Variants in FRMD4B observed in about 807,000 individuals in gnomAD.
FRMD4B encodes the protein FERM domain-containing protein 4B.
A neutral mutation model predicts 141.5 loss-of-function variants in FRMD4B; 74 were observed. That is an observed-to-expected ratio of 0.52 (90% CI 0.43 to 0.63). The LOEUF is 0.63. Ranked by LOEUF, FRMD4B falls within the 30% of genes least tolerant of loss-of-function variation. The pLI is 0.00. For synonymous variants in FRMD4B, 506 were observed against 467.9 expected, an observed-to-expected ratio of 1.08 and a Z score of -1.05; for missense variants, 1,366 against 1,253.4, an observed-to-expected ratio of 1.09 and a Z score of -1.36.
chr3:69,250,671 C>G (rs1176700690), intron 5 of FRMD4B, among the ~76,000 whole-genome samples: 1 of 150,756 alleles, frequency 6.6e-6, no homozygotes, highest in African/African-American at 2.4e-5. Context: ...GCTTTGAAGA[C>G]TAAAATTCTG....
intron 1 of FRMD4B, among the ~76,000 whole-genome samples, chr3:69,500,792 C>A (rs965015144): frequency 6.6e-6 from 1 of 151,994 alleles, no homozygotes; most frequent in African/African-American, 2.4e-5. Context: ...CCCACGCTCT[C>A]TTTTCTGTCA....
intron 1 of FRMD4B, among the ~76,000 whole-genome samples, chr3:69,538,506 G>T (rs992802100): frequency 3.9e-5 from 6 of 152,020 alleles, no homozygotes; most frequent in African/African-American, 7.3e-5. Flanking sequence ...TGAAATTACA[G>T]AACTCTTATA....
intron 1 of FRMD4B, among the ~76,000 whole-genome samples, chr3:69,355,076 G>A (rs1703274137): frequency 1.3e-5 from 2 of 151,972 alleles, no homozygotes; most frequent in African/African-American, 2.4e-5. Context: ...CATCATATAT[G>A]GAGATTGAAA....
intron 1 of FRMD4B, among the ~76,000 whole-genome samples, chr3:69,318,900 G>A (rs956773572): frequency 5.9e-5 from 9 of 152,180 alleles, no homozygotes; most frequent in African/African-American, 1.7e-4. Context: ...ATTCCGATGA[G>A]CTTTGTGGTC....
intron 1 of FRMD4B, among the ~76,000 whole-genome samples, chr3:69,451,760 A>C (rs1299209346): frequency 6.6e-6 from 1 of 152,140 alleles, no homozygotes; most frequent in Non-Finnish European, 1.5e-5. Context: ...CATAATGAAA[A>C]AATTATGCCA....
chr3:69,461,940 T>C (rs1705713994), intron 1 of FRMD4B, among the ~76,000 whole-genome samples: 1 of 152,152 alleles, frequency 6.6e-6, no homozygotes, highest in African/African-American at 2.4e-5. Flanking sequence ...GATTGCTCCA[T>C]TTATTTTATA....
At chr3:69,218,459 C>G in intron 9 of FRMD4B, 80 bp from the exon 10 acceptor site, 1 of 645,280 alleles carries the variant, frequency 1.5e-6, no homozygotes, top group Non-Finnish European at 2.7e-6. Context: ...AAAGAAACAC[C>G]ACGTTTCTAC....
rs748064866 is a variant in FRMD4B, at chr3:69,386,013, G to T, written c.-24C>A. 6.5e-7 allele frequency: 1 copy of T among 1,545,492 alleles called. No homozygotes were observed. The highest frequency in any genetic ancestry group is 1.2e-5 in the South Asian group (1 of 82,584). On this transcript the variant is annotated 5_prime_UTR_variant, in exon 1 of 23. Transcript: ENST00000398540. ...ATGCCTCCTCCTTCGCTCTGAACCC[G>T]GGCGTCCCGGCTCTCGTACGTGCAG...
chr3:69,197,102 C>T (rs1191364837), intron 12 of FRMD4B, 64 bp from the exon 13 acceptor site: 2 of 1,363,986 alleles, frequency 1.5e-6, no homozygotes, highest in African/African-American at 1.4e-5. Context: ...AAAATGTACC[C>T]TGCGAGCAGC....
chr3:69,484,462 C>G (rs1336549069), intron 1 of FRMD4B, among the ~76,000 whole-genome samples: 1 of 152,132 alleles, frequency 6.6e-6, no homozygotes, highest in African/African-American at 2.4e-5. Context: ...TCCAGGAAGA[C>G]TGAGGTACAC....
chr3:69,486,938 C>A (rs572738247), intron 1 of FRMD4B, among the ~76,000 whole-genome samples: 1 of 152,184 alleles, frequency 6.6e-6, no homozygotes, highest in African/African-American at 2.4e-5. Flanking sequence ...CAAAACATGC[C>A]CCTGCCCCCA....
chr3:69,419,612 ACT>A (rs1452079210), intron 2 of FRMD4B, among the ~76,000 whole-genome samples: 6 of 152,142 alleles, frequency 3.9e-5, no homozygotes, highest in Non-Finnish European at 8.8e-5. Flanking sequence ...GAAAACTGGG[ACT>A]CTCTTACCAG....
intron 22 of FRMD4B, 120 bp downstream of exon 22, chr3:69,176,404 G>T: frequency 1.3e-6 from 1 of 747,610 alleles, no homozygotes; most frequent in Non-Finnish European, 2.3e-6. Flanking sequence ...AGCTGGAGTT[G>T]GCCCACAGGC....
intron 1 of FRMD4B, among the ~76,000 whole-genome samples, chr3:69,374,086 G>A (rs1488224748): frequency 2.6e-5 from 4 of 152,100 alleles, no homozygotes; most frequent in Non-Finnish European, 4.4e-5. Flanking sequence ...CTTAAATCCT[G>A]GTCAGAGTTT....
chr3:69,289,741 G>C (rs557588555), intron 4 of FRMD4B, among the ~76,000 whole-genome samples: 5 of 152,284 alleles, frequency 3.3e-5, no homozygotes, highest in African/African-American at 1.2e-4. Flanking sequence ...GGAGGCTGCA[G>C]TGAGCCAAGA....
intron 1 of FRMD4B, among the ~76,000 whole-genome samples, chr3:69,373,488 A>C (rs775776459): frequency 1.3e-5 from 2 of 152,236 alleles, no homozygotes; most frequent in Non-Finnish European, 2.9e-5. Flanking sequence ...GAGTTTAATT[A>C]TACCTATTTA....
At chr3:69,188,763 CAAAA>C (rs11328404) in intron 18 of FRMD4B, among the ~76,000 whole-genome samples, 2 of 66,826 alleles carry the variant, frequency 3.0e-5, no homozygotes, top group Admixed American at 1.6e-4. Flanking sequence ...GACTCCGTCT[CAAAA>C]AAAAAAAAAA....
intron 11 of FRMD4B, among the ~76,000 whole-genome samples, chr3:69,212,241 T>C (rs1239286643): frequency 7.3e-5 from 11 of 150,108 alleles, no homozygotes; most frequent in Admixed American, 1.3e-4. Context: ...GCACCTGTAA[T>C]CCCAGCTTCT....
Position 69,278,891 on chromosome 3 carries a change from A to G in FRMD4B, c.501+8861T>C, listed in dbSNP as rs1471763506. ...AGCATGAGCCACCATGCCCTGCTCC[A>G]AATTGCTTTTTATAGTACTTTAGGA... On this transcript the variant is annotated intron_variant, in intron 5 of 22. Transcript: ENST00000398540. Among the ~76,000 whole-genome samples the G allele has an allele frequency of 2.0e-5, 3 of 152,124 alleles. No individual in the cohort carries two copies. In the East Asian group the frequency reaches 5.8e-4, roughly 29 times the overall value.
Sources: allele counts gnomAD v4.1 joint callset (sites outside exome capture counted in the v4.1 genomes callset), GRCh38; gene constraint gnomAD v4.1.1; transcripts MANE v1.5; gene names NCBI Gene and HGNC (gene_info 2026-07-23, HGNC 2026-07-21).